Variants in NET1 observed in about 807,000 individuals in gnomAD.
NET1 encodes neuroepithelial cell transforming 1, also known as neuroepithelial cell-transforming gene 1 protein.
A neutral mutation model predicts 61.1 loss-of-function variants in NET1; 42 were observed. The observed-to-expected ratio is 0.69, with a 90% confidence interval of 0.54 to 0.89. The LOEUF (loss-of-function observed/expected upper bound fraction) is 0.89. Among genes scored for constraint, NET1 ranks in the 40% least tolerant of loss-of-function variants. The pLI is 0.00. For missense variants in NET1, 654 were observed against 747.3 expected, an observed-to-expected ratio of 0.88 and a Z score of 1.46; for synonymous variants, 254 against 281.8, an observed-to-expected ratio of 0.90 and a Z score of 0.99.
Position 5,415,221 on chromosome 10 carries a change from CA to C in NET1, c.128+2404del, listed in dbSNP as rs1832058769. ...ACTCAGTATAAACTAATTTGAAAGA[CA>C]AATACGTACAGTACAATTTACCCAC... On this transcript the variant is annotated intron_variant, in intron 1 of 11. Transcript: ENST00000355029. The surrounding 1 kb of genome is among the most constrained non-coding windows in gnomAD (Gnocchi z 4.7). Among the ~76,000 whole-genome samples, 1 of 152,094 alleles carries C rather than the reference CA, an allele frequency of 6.6e-6. No homozygotes were observed. The highest frequency in any genetic ancestry group is 1.5e-5 in the Non-Finnish European group (1 of 68,012).
rs1246590632 is a variant in NET1, at chr10:5,426,819, A to C, written c.195+98A>C. The C allele has an allele frequency of 3.6e-5, 26 of 719,248 alleles. No individual in the cohort carries two copies. Among genetic ancestry groups the C allele is most frequent in the Non-Finnish European group, 5.2e-5 (24 of 464,556 alleles). The allele number at this position is 719,248 out of a possible 1,614,324, so 44.6% of individuals were successfully genotyped here. A position where few individuals can be genotyped will look rare whatever the true frequency, so the allele number is the denominator to read the frequency against. On this transcript the variant is annotated intron_variant, in intron 2 of 11. Transcript: ENST00000355029. This position sits in a 1 kb window ranked among gnomAD's most constrained non-coding sequence, Gnocchi z 4.6. Reference sequence around the variant, plus strand: ...CACAGATCAGTGGTCCTTACTTCTGAGGGTCTTGAGGAACAGAATTCCTGT... The same window carrying C: ...CACAGATCAGTGGTCCTTACTTCTGCGGGTCTTGAGGAACAGAATTCCTGT...
rs925961682 is a variant in NET1 at position 5,451,414 on chromosome 10, A to G, written c.256-416A>G. 6.6e-6 allele frequency among the ~76,000 whole-genome samples: 1 copy of G among 152,094 alleles called. No homozygotes were observed. Among genetic ancestry groups the G allele is most frequent in the South Asian group, 2.1e-4 (1 of 4,828 alleles). ...AAAATGAAACAAATTGTTATACCAG[A>G]CACTGTGGAGGCCCCTCGATAGACA... On this transcript the variant is annotated intron_variant, in intron 3 of 11. Transcript: ENST00000355029. The surrounding 1 kb of genome is among the most constrained non-coding windows in gnomAD (Gnocchi z 6.1).
rs1020619924 is a variant in NET1 at position 5,457,128 on chromosome 10, T to A, written c.*134T>A. ...CATTTTCATTGTTTTTGGTTGTTCT[T>A]TTTTCTTTTTTTAATGGCAGCTAAA... On this transcript the variant is annotated 3_prime_UTR_variant, in exon 12 of 12. Transcript: ENST00000355029. This position sits in a 1 kb window ranked among gnomAD's most constrained non-coding sequence, Gnocchi z 5.4. 8.2e-5 allele frequency: 68 copies of A among 828,562 alleles called. No homozygotes were observed. Among genetic ancestry groups the A allele is most frequent in the Non-Finnish European group, 1.1e-4 (66 of 592,322 alleles). The allele number at this position is 828,562 out of a possible 1,614,324, so 51.3% of individuals were successfully genotyped here. A position where few individuals can be genotyped will look rare whatever the true frequency, so the allele number is the denominator to read the frequency against.
intron 3 of NET1, among the ~76,000 whole-genome samples, chr10:5,432,556 T>C (rs867308809): frequency 1.3e-5 from 2 of 150,850 alleles, no homozygotes; most frequent in Admixed American, 6.6e-5. Context: ...AACAGCTCAT[T>C]TGGTTTTTAA....
chr10:5,457,599 A>AT lies in NET1; in HGVS notation c.*612dup, dbSNP rs1013884564. On this transcript the variant is annotated 3_prime_UTR_variant, in exon 12 of 12. Coordinates refer to ENST00000355029, the MANE Select transcript of NET1 (RefSeq NM_001047160.3). This position sits in a 1 kb window ranked among gnomAD's most constrained non-coding sequence, Gnocchi z 5.4. ...ATTCATTTAACCTGCCGATTATTTA[A>AT]TTTTTTTATTGTAAAGTAGTTTTTA... The AT allele has an allele frequency of 6.6e-6, 1 of 152,198 alleles. No individual in the cohort carries two copies. The highest frequency in any genetic ancestry group is 2.4e-5 in the African/African-American group (1 of 41,304). The allele number at this position is 152,198 out of a possible 1,614,324, so 9.4% of individuals were successfully genotyped here.
rs1217134212 is a variant in NET1 at position 5,451,735 on chromosome 10, A to C, written c.256-95A>C. Reference sequence around the variant, plus strand: ...ATGTTTCTGTATTTTATAATGTACAAAAATTGTTTTGTGAGAGGGCTTTAC... The same window carrying C: ...ATGTTTCTGTATTTTATAATGTACACAAATTGTTTTGTGAGAGGGCTTTAC... On this transcript the variant is annotated intron_variant, in intron 3 of 11. Coordinates refer to ENST00000355029, the MANE Select transcript of NET1 (RefSeq NM_001047160.3). This position sits in a 1 kb window ranked among gnomAD's most constrained non-coding sequence, Gnocchi z 6.1. The C allele has an allele frequency of 1.2e-6, 1 of 845,842 alleles. No homozygotes were observed. Among genetic ancestry groups the C allele is most frequent in the Non-Finnish European group, 1.8e-6 (1 of 543,154 alleles). The allele number at this position is 845,842 out of a possible 1,614,324, so 52.4% of individuals were successfully genotyped here.
rs891239038 is a variant in NET1 at position 5,431,314 on chromosome 10, A to G, written c.255+2085A>G. Among the ~76,000 whole-genome samples, 1 of 152,164 alleles carries G rather than the reference A, an allele frequency of 6.6e-6. No individual in the cohort carries two copies. Among genetic ancestry groups the G allele is most frequent in the Non-Finnish European group, 1.5e-5 (1 of 68,032 alleles). On this transcript the variant is annotated intron_variant, in intron 3 of 11. Coordinates refer to ENST00000355029, the MANE Select transcript of NET1 (RefSeq NM_001047160.3). This position sits in a 1 kb window ranked among gnomAD's most constrained non-coding sequence, Gnocchi z 4.9. ...CCTGAATATTTATGATTGCATCCCC[A>G]TGGTATCATTGACTATGTTCCTCTA...
chr10:5,436,167 GTGTGTGTGTGTGTGTGTGT>G (rs1450369979), intron 3 of NET1, among the ~76,000 whole-genome samples: 1 of 75,076 alleles, frequency 1.3e-5, no homozygotes, highest in African/African-American at 5.1e-5. Context: ...AAGGAGGTGT[GTGTGTGTGTGTGTGTGTGT>G]TGTGTGTGTG....
intron 1 of NET1, among the ~76,000 whole-genome samples, chr10:5,413,147 C>A (rs1468370523): frequency 6.6e-6 from 1 of 152,046 alleles, no homozygotes; most frequent in Non-Finnish European, 1.5e-5. Flanking sequence ...ATTTTCCCTG[C>A]CTGTGGCAAA....
rs1319379192 is a variant in NET1 at position 5,435,130 on chromosome 10, A to G, written c.255+5901A>G. Among the ~76,000 whole-genome samples the G allele has an allele frequency of 6.6e-6, 1 of 152,208 alleles. No homozygotes were observed. Among genetic ancestry groups the G allele is most frequent in the East Asian group, 1.9e-4 (1 of 5,200 alleles). On this transcript the variant is annotated intron_variant, in intron 3 of 11. Coordinates refer to ENST00000355029, the MANE Select transcript of NET1 (RefSeq NM_001047160.3). The surrounding 1 kb of genome is among the most constrained non-coding windows in gnomAD (Gnocchi z 5.0). Reference sequence around the variant, plus strand: ...CCTGGCTGCAGATCAGAGTCACCTGAGGGTGGCTTGTGTAGCAGGAGAAGT... The same window carrying G: ...CCTGGCTGCAGATCAGAGTCACCTGGGGGTGGCTTGTGTAGCAGGAGAAGT...
In NET1 at chr10:5,426,656, T is replaced by C; in HGVS notation, c.130T>C (p.Cys44Arg). ...ATTGTTTGAATTTTCCATTAATAGA[T>C]GTTCCCTTCGGAGAGGCAGCTCCTT... ...DTSGSELDGR[C>R]SLRRGSSFTF... The change falls in exon 2 of 12, where the codon TGT becomes CGT. Residue 44 changes from cysteine to arginine, a missense_variant and splice_region_variant. Cys to Arg is a radical substitution (Grantham distance 180). Coordinates refer to ENST00000355029, the MANE Select transcript of NET1 (RefSeq NM_001047160.3). The surrounding 1 kb of genome is among the most constrained non-coding windows in gnomAD (Gnocchi z 4.6). 2 of 1,605,056 alleles carry C rather than the reference T, an allele frequency of 1.2e-6. No individual in the cohort carries two copies. The highest frequency in any genetic ancestry group is 1.7e-6 in the Non-Finnish European group (2 of 1,175,734).
In NET1 at chr10:5,449,215, A is replaced by C. The variant is rs901997194; in HGVS notation, c.256-2615A>C. On this transcript the variant is annotated intron_variant, in intron 3 of 11. Coordinates refer to ENST00000355029, the MANE Select transcript of NET1 (RefSeq NM_001047160.3). This position sits in a 1 kb window ranked among gnomAD's most constrained non-coding sequence, Gnocchi z 4.4. ...CACTTTTCGTTATTTTAGTCATTAA[A>C]ATTGTTCATACTTTTAAAATATATA... is the stretch of plus-strand genomic sequence containing the variant. Among the ~76,000 whole-genome samples the C allele has an allele frequency of 6.6e-5, 10 of 152,268 alleles. No homozygotes were observed. Among genetic ancestry groups the C allele is most frequent in the African/African-American group, 2.2e-4 (9 of 41,552 alleles).
Position 5,435,119 on chromosome 10 carries a change from A to G in NET1, c.255+5890A>G, listed in dbSNP as rs901823420. ...AGATACTCAACCCTGGCTGCAGATCAGAGTCACCTGAGGGTGGCTTGTGTA... is the reference window on the plus strand; with the variant it reads ...AGATACTCAACCCTGGCTGCAGATCGGAGTCACCTGAGGGTGGCTTGTGTA... On this transcript the variant is annotated intron_variant, in intron 3 of 11. Transcript: ENST00000355029. This position sits in a 1 kb window ranked among gnomAD's most constrained non-coding sequence, Gnocchi z 5.0. 6.6e-6 allele frequency among the ~76,000 whole-genome samples: 1 copy of G among 152,232 alleles called. No homozygotes were observed. Among genetic ancestry groups the G allele is most frequent in the Non-Finnish European group, 1.5e-5 (1 of 68,034 alleles).
rs1832797409 is a variant in NET1 at position 5,456,318 on chromosome 10, A to C, written c.1384+45A>C. ...TAATTTAAAGAAATAGAAGCTCAGA[A>C]CTGAAGTGAATTTAGTTTTGCCTTT... On this transcript the variant is annotated intron_variant, in intron 11 of 11. Transcript: ENST00000355029. This position sits in a 1 kb window ranked among gnomAD's most constrained non-coding sequence, Gnocchi z 7.0. The C allele has an allele frequency of 6.7e-7, 1 of 1,493,526 alleles. No individual in the cohort carries two copies. Among genetic ancestry groups the C allele is most frequent in the African/African-American group, 1.4e-5 (1 of 70,854 alleles). The allele number at this position is 1,493,526 out of a possible 1,614,324, so 92.5% of individuals were successfully genotyped here.
At position 5,443,600 on chromosome 10, in the gene NET1, A is replaced by G. The variant is rs763303374; in HGVS notation, c.256-8230A>G. On this transcript the variant is annotated intron_variant, in intron 3 of 11. Transcript: ENST00000355029. The surrounding 1 kb of genome is among the most constrained non-coding windows in gnomAD (Gnocchi z 4.8). ...AGTCCAGTTGAACTTCCGCATGTTCATCATTCCTTTTTTAGATGCTGTCTA... is the reference window on the plus strand; with the variant it reads ...AGTCCAGTTGAACTTCCGCATGTTCGTCATTCCTTTTTTAGATGCTGTCTA... 1.3e-5 allele frequency among the ~76,000 whole-genome samples: 2 copies of G among 152,170 alleles called. No individual in the cohort carries two copies. The highest frequency in any genetic ancestry group is 2.4e-5 in the African/African-American group (1 of 41,438).
Position 5,429,245 on chromosome 10 carries a change from C to T in NET1, c.255+16C>T. On this transcript the variant is annotated intron_variant, in intron 3 of 11. Transcript: ENST00000355029. Reference sequence around the variant, plus strand: ...TGATCTGAAGGTAAGCCCTGCTGCCCTGTTAAAGAAAAGCATTTAAAAATA... The same window carrying T: ...TGATCTGAAGGTAAGCCCTGCTGCCTTGTTAAAGAAAAGCATTTAAAAATA... 1 of 1,550,722 alleles carries T rather than the reference C, an allele frequency of 6.4e-7. No homozygotes were observed. Among genetic ancestry groups the T allele is most frequent in the Non-Finnish European group, 8.8e-7 (1 of 1,133,776 alleles).
rs1321552328 is a variant in NET1 at position 5,436,255 on chromosome 10, T to A, written c.255+7026T>A. Among the ~76,000 whole-genome samples, 604 of 61,420 alleles carry A rather than the reference T, an allele frequency of 9.8e-3. 22 individuals are homozygous for A. The highest frequency in any genetic ancestry group is 0.022 in the African/African-American group (473 of 21,396). The allele number at this position is 61,420 out of a possible 152,430, so 40.3% of individuals were successfully genotyped here. ...ATATATATATATATATATATTTTTT[T>A]TTTTTTTTTTTTTTTTTTTTAATGT... On this transcript the variant is annotated intron_variant, in intron 3 of 11. Transcript: ENST00000355029.
At position 5,426,773 on chromosome 10, in the gene NET1, C is replaced by T. The variant is rs761665575; in HGVS notation, c.195+52C>T. 2.4e-4 allele frequency: 322 copies of T among 1,330,708 alleles called. No individual in the cohort carries two copies. The highest frequency in any genetic ancestry group is 3.0e-4 in the Non-Finnish European group (289 of 953,682). The allele number at this position is 1,330,708 out of a possible 1,614,324, so 82.4% of individuals were successfully genotyped here. A position where few individuals can be genotyped will look rare whatever the true frequency, so the allele number is the denominator to read the frequency against. The stretch of plus-strand genomic sequence containing the variant: ...CGAGACATTAGATAGAATTAATTCC[C>T]TGGTTTCTTTCAGTCTGTTACACAG... On this transcript the variant is annotated intron_variant, in intron 2 of 11. Transcript: ENST00000355029. The surrounding 1 kb of genome is among the most constrained non-coding windows in gnomAD (Gnocchi z 4.6).
Position 5,451,931 on chromosome 10 carries a change from A to C in NET1, c.357A>C (p.Thr119=). The C allele has an allele frequency of 6.2e-7, 1 of 1,612,048 alleles. No individual in the cohort carries two copies. The highest frequency in any genetic ancestry group is 8.5e-7 in the Non-Finnish European group (1 of 1,178,328). The change falls in exon 4 of 12, where the codon ACA becomes ACC. Residue 119 remains threonine, a synonymous_variant. Transcript: ENST00000355029. This position sits in a 1 kb window ranked among gnomAD's most constrained non-coding sequence, Gnocchi z 6.1. ...RNGAVRRFGQ[T]IQSFTLRGDH... ...GAGCTGTCAGACGTTTTGGTCAAAC[A>C]ATACAGGTAAAAAGAGAGGAGGAAG...
Sources: gnomAD v4.1 joint callset for allele counts (sites outside exome capture counted in the v4.1 genomes callset) on GRCh38, gnomAD v4.1.1 for gene constraint, Gnocchi (gnomAD v3.1) non-coding constraint, MANE v1.5 for transcripts, NCBI Gene and HGNC (gene_info 2026-07-23, HGNC 2026-07-21) for gene names.